PLXNA2: variants seen among roughly 807,000 people sequenced by gnomAD.
The protein encoded by PLXNA2 is plexin A2, also known as plexin-A2.
A neutral mutation model predicts 193.5 loss-of-function variants in PLXNA2; 91 were observed. The ratio of observed to expected loss-of-function variants is 0.47; its 90% CI spans 0.40 to 0.56. The LOEUF (loss-of-function observed/expected upper bound fraction) is 0.56. Ranked by LOEUF, PLXNA2 falls within the 20% of genes least tolerant of loss-of-function variation. The pLI is 0.00. For synonymous variants in PLXNA2, 997 were observed against 1,027.3 expected, an observed-to-expected ratio of 0.97 and a Z score of 0.56; for missense variants, 1,995 against 2,503.2, an observed-to-expected ratio of 0.80 and a Z score of 4.33.
chr1:208,079,501 A>G, intron 11 of PLXNA2, 51 bp from the exon 12 acceptor site: 1 of 1,368,816 alleles, frequency 7.3e-7, no homozygotes, highest in Non-Finnish European at 1.0e-6. Flanking sequence ...GCTGCTCACA[A>G]TGCACCCTCC....
At chr1:208,178,940 G>T (rs142017419) in intron 3 of PLXNA2, among the ~76,000 whole-genome samples, 25 of 152,352 alleles carry the variant, frequency 1.6e-4, no homozygotes, top group African/African-American at 4.3e-4. Flanking sequence ...AACTAGTTTA[G>T]GGTGTGGGTT....
At chr1:208,209,477 C>T (rs561787623) in intron 3 of PLXNA2, among the ~76,000 whole-genome samples, 2 of 152,276 alleles carry the variant, frequency 1.3e-5, no homozygotes, top group East Asian at 3.9e-4. Flanking sequence ...AAGGGATTAG[C>T]TGAGACCGGA....
At chr1:208,154,333 T>C (rs969561816) in intron 3 of PLXNA2, among the ~76,000 whole-genome samples, 4 of 152,226 alleles carry the variant, frequency 2.6e-5, no homozygotes, top group African/African-American at 9.6e-5. Context: ...CTGCCTTTTC[T>C]CTGAGCATTC....
chr1:208,236,690 A>G lies in PLXNA2; in HGVS notation c.-81+6953T>C, dbSNP rs915119941. Among the ~76,000 whole-genome samples, 1 of 152,220 alleles carries G rather than the reference A, an allele frequency of 6.6e-6. No individual in the cohort carries two copies. The highest frequency in any genetic ancestry group is 1.5e-5 in the Non-Finnish European group (1 of 68,052). On this transcript the variant is annotated intron_variant, in intron 1 of 31. Transcript: ENST00000367033. The surrounding 1 kb of genome is among the most constrained non-coding windows in gnomAD (Gnocchi z 4.4). ...CCACTCTCAGAAGCACTGGGGTTAC[A>G]GCTCCTCATCCAAAGCCCTGTTCCA...
intron 4 of PLXNA2, among the ~76,000 whole-genome samples, chr1:208,129,970 A>G (rs1668097504): frequency 6.6e-6 from 1 of 152,158 alleles, no homozygotes; most frequent in African/African-American, 2.4e-5. Context: ...ATAATTAAAT[A>G]TTAGTTGAGG....
At chr1:208,039,590 C>G in intron 24 of PLXNA2, 31 bp downstream of exon 24, 1 of 1,611,414 alleles carries the variant, frequency 6.2e-7, no homozygotes. Context: ...AGAAGATACA[C>G]AGGCGGGCCC....
intron 15 of PLXNA2, 22 bp from the exon 16 acceptor site, chr1:208,051,445 G>T (rs372449195): frequency 6.3e-7 from 1 of 1,598,108 alleles, no homozygotes; most frequent in African/African-American, 1.4e-5. Context: ...ACAGCAGGAG[G>T]GTTGAGAAGA....
chr1:208,096,513 G>T (rs1666895239), intron 7 of PLXNA2, among the ~76,000 whole-genome samples: 1 of 152,200 alleles, frequency 6.6e-6, no homozygotes, highest in Admixed American at 6.5e-5. Context: ...CTGGAAAGAC[G>T]CTGTGTTCTG....
At chr1:208,197,979 A>T (rs1558239736) in intron 3 of PLXNA2, among the ~76,000 whole-genome samples, 1 of 152,200 alleles carries the variant, frequency 6.6e-6, no homozygotes. Context: ...GGTGCGCCCC[A>T]TTAGCAGAGT....
intron 12 of PLXNA2, among the ~76,000 whole-genome samples, chr1:208,075,846 G>T (rs905580033): frequency 1.3e-5 from 2 of 151,970 alleles, no homozygotes; most frequent in African/African-American, 4.8e-5. Context: ...ATCACTTGAG[G>T]TCAGGAGTTT....
intron 4 of PLXNA2, among the ~76,000 whole-genome samples, chr1:208,117,670 C>A (rs916154364): frequency 6.6e-6 from 1 of 152,152 alleles, no homozygotes; most frequent in African/African-American, 2.4e-5. Flanking sequence ...CTGTAAGAGT[C>A]AGAAATATCC....
At chr1:208,162,658 G>C (rs1227186525) in intron 3 of PLXNA2, among the ~76,000 whole-genome samples, 1 of 152,108 alleles carries the variant, frequency 6.6e-6, no homozygotes, top group Non-Finnish European at 1.5e-5. Flanking sequence ...ATAACAAACA[G>C]GTACTGTTCC....
At chr1:208,233,183 C>CT (rs1491419069) in intron 1 of PLXNA2, among the ~76,000 whole-genome samples, 1 of 152,196 alleles carries the variant, frequency 6.6e-6, no homozygotes. Context: ...CGTGCATACC[C>CT]TCTCTTGCCA....
intron 1 of PLXNA2, among the ~76,000 whole-genome samples, chr1:208,242,106 T>G (rs890053792): frequency 2.6e-5 from 4 of 152,154 alleles, no homozygotes; most frequent in African/African-American, 7.2e-5. Flanking sequence ...CTGGGGTTAT[T>G]GCATAAAAGT....
At chr1:208,075,422 C>G (rs1377589864) in intron 12 of PLXNA2, among the ~76,000 whole-genome samples, 1 of 152,142 alleles carries the variant, frequency 6.6e-6, no homozygotes, top group Admixed American at 6.5e-5. Flanking sequence ...TCAGAGCATT[C>G]TATTGAAAGG....
intron 4 of PLXNA2, among the ~76,000 whole-genome samples, chr1:208,141,384 A>G (rs540950911): frequency 1.8e-4 from 28 of 152,320 alleles, no homozygotes; most frequent in Middle Eastern, 3.4e-3. Context: ...TGAGAATGAC[A>G]TGAGCTGGGA....
rs1170972899 is a variant in PLXNA2, at chr1:208,217,698, G to A, written c.225C>T (p.Gly75=). The change falls in exon 2 of 32, where the codon GGC becomes GGT. Residue 75 remains glycine, a synonymous_variant. Coordinates refer to ENST00000367033, the MANE Select transcript of PLXNA2 (RefSeq NM_025179.4). This position sits in a 1 kb window ranked among gnomAD's most constrained non-coding sequence, Gnocchi z 4.7. The part of the protein sequence containing the change: ...GAINRVYKLT[G]NLTIQVAHKT... ...TATGAGCCACCTGGATGGTCAGGTT[G>A]CCTGTCAGCTTATAGACCCGGTTGA... The A allele has an allele frequency of 1.2e-6, 2 of 1,614,122 alleles. No individual in the cohort carries two copies. Among genetic ancestry groups the A allele is most frequent in the African/African-American group, 2.7e-5 (2 of 74,944 alleles).
chr1:208,222,829 G>A (rs1671381689), intron 1 of PLXNA2, among the ~76,000 whole-genome samples: 1 of 152,174 alleles, frequency 6.6e-6, no homozygotes, highest in South Asian at 2.1e-4. Context: ...TTGAGTCAAA[G>A]TTCCTGTTAG....
chr1:208,026,631 C>T lies in PLXNA2; in HGVS notation c.*612G>A, dbSNP rs1037893750. ...GTGTTTGGTGCATACTTGTGCTCAT[C>T]ATTCTTCTTCTCCTCTTTCTCTTTT... is the stretch of plus-strand genomic sequence containing the variant. On this transcript the variant is annotated 3_prime_UTR_variant, in exon 32 of 32. Transcript: ENST00000367033. The T allele has an allele frequency of 6.8e-6, 1 of 146,398 alleles. No individual in the cohort carries two copies. Among genetic ancestry groups the T allele is most frequent in the Non-Finnish European group, 1.5e-5 (1 of 67,020 alleles). 9.1% of individuals were successfully genotyped at this position (146,398 alleles called of 1,614,324 possible). A position where few individuals can be genotyped will look rare whatever the true frequency, so the allele number is the denominator to read the frequency against.
Sources: gnomAD v4.1 joint callset for allele counts (sites outside exome capture counted in the v4.1 genomes callset) on GRCh38, gnomAD v4.1.1 for gene constraint, Gnocchi (gnomAD v3.1) non-coding constraint, MANE v1.5 for transcripts, NCBI Gene and HGNC (gene_info 2026-07-23, HGNC 2026-07-21) for gene names.